TMEM132B: variants seen among roughly 807,000 people sequenced by gnomAD.
The protein encoded by TMEM132B is transmembrane protein 132B.
TMEM132B carries 18 observed loss-of-function variants against 90.8 expected under a neutral mutation model. The observed-to-expected ratio is 0.20, with a 90% CI of 0.14 to 0.29. The LOEUF is 0.29. Among genes scored for constraint, TMEM132B ranks in the 10% least tolerant of loss-of-function variants. The pLI is 1.00. For missense variants in TMEM132B, 1,096 were observed against 1,326.8 expected (o/e 0.83, Z 2.70); for synonymous variants, 504 against 523.3 (o/e 0.96, Z 0.50).
intron 1 of TMEM132B, among the ~76,000 whole-genome samples, chr12:125,347,340 A>C (rs1047172707): frequency 1.3e-5 from 2 of 152,216 alleles, no homozygotes; most frequent in Non-Finnish European, 2.9e-5. Context: ...GGAGTAATGA[A>C]TCTAACAAGG....
At chr12:125,280,466 C>G (rs1025070328) in intron 1 of TMEM132B, among the ~76,000 whole-genome samples, 1 of 152,254 alleles carries the variant, frequency 6.6e-6, no homozygotes, top group African/African-American at 2.4e-5. Flanking sequence ...CGAAGCATGT[C>G]AAAATGCCAA....
intron 2 of TMEM132B, among the ~76,000 whole-genome samples, chr12:125,371,212 T>A (rs1878283405): frequency 6.6e-6 from 1 of 152,224 alleles, no homozygotes; most frequent in Non-Finnish European, 1.5e-5. Context: ...CACTGGCAGC[T>A]GATTGGATGG....
chr12:125,190,440 GGGAAGGGGTGGTGATGGGGAT>G (rs2136046874), intron 1 of TMEM132B, among the ~76,000 whole-genome samples: 1 of 142,930 alleles, frequency 7.0e-6, no homozygotes, highest in South Asian at 2.4e-4. Flanking sequence ...TGATGGTGAT[GGGAAGGGGTGGTGATGGGGAT>G]GGGAAAGGGG....
intron 3 of TMEM132B, among the ~76,000 whole-genome samples, chr12:125,433,025 T>C (rs1186432181): frequency 1.3e-5 from 2 of 152,318 alleles, no homozygotes; most frequent in East Asian, 3.9e-4. Context: ...AAGCAGCACC[T>C]GCATCTTACT....
intron 1 of TMEM132B, among the ~76,000 whole-genome samples, chr12:125,230,664 G>T (rs930154028): frequency 7.3e-5 from 11 of 150,034 alleles, no homozygotes; most frequent in East Asian, 5.8e-4. Flanking sequence ...TGGTTTTTTT[G>T]TGTGTATTTT....
Position 125,246,264 on chromosome 12 carries a change from C to G in TMEM132B, c.67+59398C>G, listed in dbSNP as rs1370655147. ...AGCATTGCTGTCAGTGTGAGCTTAG[C>G]TGGTGGCCCCTCCTTTCCCCGCCTT... On this transcript the variant is annotated intron_variant, in intron 1 of 8. Coordinates refer to ENST00000682704, the MANE Select transcript of TMEM132B (RefSeq NM_001366854.1). This position sits in a 1 kb window ranked among gnomAD's most constrained non-coding sequence, Gnocchi z 4.2. 6.6e-6 allele frequency among the ~76,000 whole-genome samples: 1 copy of G among 152,168 alleles called. No homozygotes were observed. Among genetic ancestry groups the G allele is most frequent in the African/African-American group, 2.4e-5 (1 of 41,454 alleles).
At chr12:125,416,238 G>C (rs1165301104) in intron 3 of TMEM132B, among the ~76,000 whole-genome samples, 1 of 152,190 alleles carries the variant, frequency 6.6e-6, no homozygotes, top group Admixed American at 6.5e-5. Flanking sequence ...CAGGTAGAAA[G>C]AACTCTCACC....
At chr12:125,627,721 A>G (rs1228879241) in intron 5 of TMEM132B, among the ~76,000 whole-genome samples, 1 of 152,098 alleles carries the variant, frequency 6.6e-6, no homozygotes, top group Non-Finnish European at 1.5e-5. Flanking sequence ...ATTATTGACT[A>G]TAATCATAGT....
chr12:125,226,709 C>T (rs1253673075), intron 1 of TMEM132B, among the ~76,000 whole-genome samples: 5 of 152,180 alleles, frequency 3.3e-5, no homozygotes, highest in African/African-American at 9.7e-5. Context: ...CCTCAGTTTT[C>T]TCATCTGTAA....
Position 125,492,034 on chromosome 12 carries a change from G to C in TMEM132B, c.1107-27405G>C, listed in dbSNP as rs1882366026. ...GCCAAGTTCATAAATTGGATTTTCA[G>C]GGTATTACTGGAAAAGGGGAAAATT... On this transcript the variant is annotated intron_variant, in intron 3 of 8. Transcript: ENST00000682704. This position sits in a 1 kb window ranked among gnomAD's most constrained non-coding sequence, Gnocchi z 5.8. Among the ~76,000 whole-genome samples, 1 of 152,170 alleles carries C rather than the reference G, an allele frequency of 6.6e-6. No homozygotes were observed. Among genetic ancestry groups the C allele is most frequent in the African/African-American group, 2.4e-5 (1 of 41,440 alleles).
At chr12:125,443,582 C>T (rs1880931975) in intron 3 of TMEM132B, among the ~76,000 whole-genome samples, 1 of 152,102 alleles carries the variant, frequency 6.6e-6, no homozygotes, top group Non-Finnish European at 1.5e-5. Context: ...AGCTGGGTAA[C>T]AATCACTGCT....
intron 2 of TMEM132B, among the ~76,000 whole-genome samples, chr12:125,376,494 G>T (rs748885022): frequency 6.6e-6 from 1 of 152,206 alleles, no homozygotes; most frequent in Non-Finnish European, 1.5e-5. Flanking sequence ...AGCCCCGGTG[G>T]ATGCTCATTT....
At chr12:125,202,691 G>C (rs1873090549) in intron 1 of TMEM132B, among the ~76,000 whole-genome samples, 1 of 152,290 alleles carries the variant, frequency 6.6e-6, no homozygotes, top group South Asian at 2.1e-4. Context: ...TCAGTTAGAG[G>C]GAAGTTACAC....
intron 2 of TMEM132B, among the ~76,000 whole-genome samples, chr12:125,357,226 A>G (rs1180722420): frequency 6.6e-6 from 1 of 152,224 alleles, no homozygotes; most frequent in African/African-American, 2.4e-5. Context: ...GTTAGGACAC[A>G]TAGGGGATGC....
chr12:125,238,397 A>G (rs1873990667), intron 1 of TMEM132B, among the ~76,000 whole-genome samples: 1 of 150,930 alleles, frequency 6.6e-6, no homozygotes, highest in Admixed American at 6.6e-5. Flanking sequence ...CCAAAAAAAC[A>G]AAAACGCAGT....
chr12:125,487,109 G>T (rs528186562), intron 3 of TMEM132B, among the ~76,000 whole-genome samples: 28 of 152,258 alleles, frequency 1.8e-4, no homozygotes, highest in African/African-American at 6.7e-4. Flanking sequence ...ATACTATTTA[G>T]CACATCCTTC....
At chr12:125,554,040 A>G (rs1884306892) in intron 4 of TMEM132B, among the ~76,000 whole-genome samples, 1 of 152,256 alleles carries the variant, frequency 6.6e-6, no homozygotes, top group Non-Finnish European at 1.5e-5. Context: ...AATGAAAAAA[A>G]TAGTAAAATT....
intron 5 of TMEM132B, among the ~76,000 whole-genome samples, chr12:125,625,893 T>C (rs1886221158): frequency 6.6e-6 from 1 of 152,228 alleles, no homozygotes; most frequent in African/African-American, 2.4e-5. Context: ...GGTATTTCCT[T>C]GATAATTCTT....
At position 125,521,830 on chromosome 12, in the gene TMEM132B, A is replaced by G. The variant is rs533384237; in HGVS notation, c.1293+2205A>G. On this transcript the variant is annotated intron_variant, in intron 4 of 8. Coordinates refer to ENST00000682704, the MANE Select transcript of TMEM132B (RefSeq NM_001366854.1). Reference sequence around the variant, plus strand: ...CAGATCCTGCAAAGTCTTTCACTTAATCTCATTCTGCTGGCTGAGGCATAA... The same window carrying G: ...CAGATCCTGCAAAGTCTTTCACTTAGTCTCATTCTGCTGGCTGAGGCATAA... 5.3e-5 allele frequency among the ~76,000 whole-genome samples: 8 copies of G among 152,322 alleles called. 1 individual carries two copies. The South Asian group carries it at 1.5e-3, about 28-fold the overall frequency.
Sources: allele counts gnomAD v4.1 joint callset (sites outside exome capture counted in the v4.1 genomes callset), GRCh38; gene constraint gnomAD v4.1.1; non-coding constraint Gnocchi (gnomAD v3.1); transcripts MANE v1.5; gene names NCBI Gene and HGNC (gene_info 2026-07-23, HGNC 2026-07-21).